The following ARB2A variants were observed in gnomAD, a reference collection of about 807,000 sequenced individuals.
ARB2A encodes cotranscriptional regulator ARB2A.
the ARB2A span, among the ~76,000 whole-genome samples, chr5:93,885,313 G>T: frequency 6.6e-6 from 1 of 151,560 alleles, no homozygotes; most frequent in African/African-American, 2.4e-5. Flanking sequence ...ACTAAGGAAG[G>T]CTCCATAACT....
At chr5:94,016,170 T>C in the ARB2A span, among the ~76,000 whole-genome samples, 4 of 152,118 alleles carry the variant, frequency 2.6e-5, no homozygotes, top group Non-Finnish European at 5.9e-5. Context: ...TACAAATCAA[T>C]GACTGTTAAA....
At chr5:93,901,255 G>A in the ARB2A span, among the ~76,000 whole-genome samples, 2 of 152,286 alleles carry the variant, frequency 1.3e-5, no homozygotes, top group Admixed American at 1.3e-4. Context: ...GAAAAGGTGA[G>A]ATTTTGGAAA....
the ARB2A span, among the ~76,000 whole-genome samples, chr5:93,887,317 A>C: frequency 6.6e-6 from 1 of 151,646 alleles, no homozygotes; most frequent in African/African-American, 2.4e-5. Flanking sequence ...GAAGACTGTC[A>C]GCTGCCTTCA....
the ARB2A span, among the ~76,000 whole-genome samples, chr5:93,927,373 C>G: frequency 6.6e-6 from 1 of 152,158 alleles, no homozygotes; most frequent in Non-Finnish European, 1.5e-5. Context: ...TAACCTTGCT[C>G]ATTCTTCCCC....
chr5:93,668,531 A>G, the ARB2A span, among the ~76,000 whole-genome samples: 2 of 152,360 alleles, frequency 1.3e-5, no homozygotes, highest in South Asian at 4.1e-4. Flanking sequence ...GTGTTTTTTA[A>G]AAGCAACATG....
the ARB2A span, among the ~76,000 whole-genome samples, chr5:93,762,321 G>C: frequency 1.2e-4 from 19 of 152,140 alleles, no homozygotes; most frequent in African/African-American, 3.6e-4. Context: ...TAGACGAATG[G>C]CTGACTAGAA....
At chr5:93,622,004 G>A in the ARB2A span, among the ~76,000 whole-genome samples, 1 of 152,180 alleles carries the variant, frequency 6.6e-6, no homozygotes, top group Non-Finnish European at 1.5e-5. Context: ...TGGTTTCGAT[G>A]TAATACTAAT....
chr5:93,866,290 T>C, the ARB2A span: 1 of 982,210 alleles, frequency 1.0e-6, no homozygotes, highest in Non-Finnish European at 1.2e-6. Context: ...TCAGATATAA[T>C]GCACCAAGAT....
chr5:93,770,951 T>G, the ARB2A span, among the ~76,000 whole-genome samples: 2 of 152,088 alleles, frequency 1.3e-5, no homozygotes, highest in Non-Finnish European at 2.9e-5. Flanking sequence ...TGGAAAAAAC[T>G]ACTTTAAAGT....
the ARB2A span, among the ~76,000 whole-genome samples, chr5:93,747,834 G>A: frequency 6.6e-6 from 1 of 152,056 alleles, no homozygotes. Flanking sequence ...ACTGTGAGTG[G>A]AAAACTGAAA....
the ARB2A span, among the ~76,000 whole-genome samples, chr5:93,809,617 A>C: frequency 6.6e-6 from 1 of 152,064 alleles, no homozygotes; most frequent in Non-Finnish European, 1.5e-5. Flanking sequence ...AGATAAAAAA[A>C]ATCAAAGTAA....
chr5:93,638,823 C>T, the ARB2A span, among the ~76,000 whole-genome samples: 2 of 151,872 alleles, frequency 1.3e-5, no homozygotes, highest in African/African-American at 4.8e-5. Flanking sequence ...GAGTGAAACT[C>T]TGTCTCAAAA....
At chr5:94,002,991 C>A in the ARB2A span, among the ~76,000 whole-genome samples, 1 of 152,096 alleles carries the variant, frequency 6.6e-6, no homozygotes, top group Non-Finnish European at 1.5e-5. Context: ...CAACATTCTC[C>A]TTAGTATCTT....
chr5:93,925,462 ATG>A, the ARB2A span, among the ~76,000 whole-genome samples: 338 of 152,294 alleles, frequency 2.2e-3, no homozygotes, highest in African/African-American at 7.7e-3. Flanking sequence ...GTCTTACATA[ATG>A]TGTTCACACT....
At chr5:94,005,589 G>A in the ARB2A span, among the ~76,000 whole-genome samples, 60 of 152,134 alleles carry the variant, frequency 3.9e-4, no homozygotes, top group Non-Finnish European at 7.8e-4. Context: ...TAGCAAGCAC[G>A]CAAATTTGCA....
chr5:93,784,233 T>A, the ARB2A span: 3 of 614,356 alleles, frequency 4.9e-6, no homozygotes, highest in Admixed American at 2.8e-5. Context: ...TCTATTATTA[T>A]TTTAAACATG....
At chr5:93,789,544 C>T in the ARB2A span, among the ~76,000 whole-genome samples, 1 of 152,168 alleles carries the variant, frequency 6.6e-6, no homozygotes, top group Admixed American at 6.5e-5. Context: ...GCTTCTACTT[C>T]AGTGCAGTTT....
At chr5:94,076,469 T>C in the ARB2A span, among the ~76,000 whole-genome samples, 11 of 152,180 alleles carry the variant, frequency 7.2e-5, no homozygotes, top group Admixed American at 6.5e-5. Context: ...GGTACTATGG[T>C]GAGTAAAACA....
chr5:93,829,624 G>A, the ARB2A span, among the ~76,000 whole-genome samples: 2 of 152,044 alleles, frequency 1.3e-5, no homozygotes, highest in South Asian at 2.1e-4. Context: ...AAACCACAAC[G>A]TTTATCTTCA....
Sources: allele counts gnomAD v4.1 joint callset (sites outside exome capture counted in the v4.1 genomes callset), GRCh38; gene constraint gnomAD v4.1.1; transcripts MANE v1.5; gene names NCBI Gene and HGNC (gene_info 2026-07-23, HGNC 2026-07-21).